PLCE1: variants seen among roughly 807,000 people sequenced by gnomAD.
PLCE1 encodes the protein 1-phosphatidylinositol 4,5-bisphosphate phosphodiesterase epsilon-1.
In PLCE1, 119 loss-of-function variants were observed where a neutral mutation model predicts 242.8. The ratio of observed to expected loss-of-function variants is 0.49; its 90% confidence interval spans 0.42 to 0.57. The LOEUF (loss-of-function observed/expected upper bound fraction) is 0.57. Ranked by LOEUF, PLCE1 falls within the 20% of genes least tolerant of loss-of-function variation. The pLI is 0.00. For synonymous variants in PLCE1, 945 were observed against 1,017.4 expected, an observed-to-expected ratio of 0.93 and a Z score of 1.35; for missense variants, 2,441 against 2,788.8, an observed-to-expected ratio of 0.88 and a Z score of 2.81.
At chr10:94,254,764 C>A in intron 10 of PLCE1, 129 bp from the exon 11 acceptor site, 1 of 987,968 alleles carries the variant, frequency 1.0e-6, no homozygotes, top group Non-Finnish European at 1.6e-6. Context: ...TATTTTGGTG[C>A]TGCTTGTATA....
At chr10:94,122,702 A>T (rs1302400992) in intron 2 of PLCE1, among the ~76,000 whole-genome samples, 1 of 152,224 alleles carries the variant, frequency 6.6e-6, no homozygotes, top group Non-Finnish European at 1.5e-5. Context: ...AGTGCTTGTC[A>T]GATGGATGGT....
At chr10:94,088,674 G>C (rs1045293708) in intron 2 of PLCE1, among the ~76,000 whole-genome samples, 3 of 152,212 alleles carry the variant, frequency 2.0e-5, no homozygotes, top group Admixed American at 2.0e-4. Flanking sequence ...CAGCATGGCA[G>C]GTGCCCACAT....
rs753867049 is a variant in PLCE1 at position 94,235,937 on chromosome 10, A to G, written c.2237A>G (p.Gln746Arg). The G allele has an allele frequency of 4.3e-6, 7 of 1,613,830 alleles. No individual in the cohort carries two copies. The highest frequency in any genetic ancestry group is 2.2e-5 in the East Asian group (1 of 44,878). The change falls in exon 7 of 33, where the codon CAA becomes CGA. Residue 746 changes from glutamine (Q) to arginine (R), a missense_variant. This residue lies in a region of PLCE1 where 733 missense variants were observed against 754.2 expected (regional missense o/e 0.97). Coordinates refer to ENST00000371380, the MANE Select transcript of PLCE1 (RefSeq NM_016341.4). The part of the protein sequence containing the change: ...TLEFVADYSG[Q>R]DNFLQRVGQN... ...TAGTTTGTAGCAGATTACAGTGGAC[A>G]AGATAATTTCTTACAACGAGTGGGA...
chr10:94,228,150 C>G lies in PLCE1; in HGVS notation c.1955+699C>G, dbSNP rs2050012228. ...ATGATATCCTGTTCTTATGCTTTTT[C>G]CATCAAGCTAATAACAAAATCACCA... On this transcript the variant is annotated intron_variant, in intron 5 of 32. Transcript: ENST00000371380. Among the ~76,000 whole-genome samples, 6 of 152,218 alleles carry G rather than the reference C, an allele frequency of 3.9e-5. No homozygotes were observed. The South Asian group carries it at 1.2e-3, about 31-fold the overall frequency.
At chr10:94,196,253 T>C (rs896229027) in intron 4 of PLCE1, among the ~76,000 whole-genome samples, 1 of 152,200 alleles carries the variant, frequency 6.6e-6, no homozygotes, top group Admixed American at 6.5e-5. Flanking sequence ...TTGCCTTCTA[T>C]AGGGTGAGGG....
At chr10:94,051,816 C>A (rs926426062) in intron 2 of PLCE1, among the ~76,000 whole-genome samples, 2 of 152,136 alleles carry the variant, frequency 1.3e-5, no homozygotes, top group Non-Finnish European at 2.9e-5. Flanking sequence ...TACTTGGCTG[C>A]CTTCATTTGT....
At position 94,298,426 on chromosome 10, in the gene PLCE1, C is replaced by T. The variant is rs1173624921; in HGVS notation, c.5215C>T (p.Leu1739Phe). 6.2e-7 allele frequency: 1 copy of T among 1,614,166 alleles called. No homozygotes were observed. Among genetic ancestry groups the T allele is most frequent in the Non-Finnish European group, 8.5e-7 (1 of 1,179,974 alleles). The stretch of plus-strand genomic sequence containing the variant: ...GACCTGGGAGGAATCTTCTTCCCCT[C>T]TCAACCCAACCACGTCCCTCAGTGC... ...RQTWEESSSP[L>F]NPTTSLSAII... is the part of the protein sequence containing the mutation. The change falls in exon 24 of 33, where the codon CTC (leucine) becomes TTC (phenylalanine). Residue 1739 changes from leucine to phenylalanine, a missense_variant. By Grantham distance (22) the Leu-to-Phe change is conservative. Coordinates refer to ENST00000371380, the MANE Select transcript of PLCE1 (RefSeq NM_016341.4). This position sits in a 1 kb window ranked among gnomAD's most constrained non-coding sequence, Gnocchi z 5.2.
intron 3 of PLCE1, among the ~76,000 whole-genome samples, chr10:94,140,886 T>G (rs1422573274): frequency 2.0e-5 from 3 of 152,260 alleles, no homozygotes; most frequent in Non-Finnish European, 2.9e-5. Context: ...AATGTAATAT[T>G]GGGTGTGTTT....
chr10:94,135,448 C>A (rs559820166), intron 3 of PLCE1, among the ~76,000 whole-genome samples: 1 of 151,976 alleles, frequency 6.6e-6, no homozygotes, highest in Non-Finnish European at 1.5e-5. Context: ...TAGTATGTGT[C>A]CTGTGGCATA....
chr10:94,153,068 T>G (rs2047321861), intron 3 of PLCE1, among the ~76,000 whole-genome samples: 1 of 152,146 alleles, frequency 6.6e-6, no homozygotes, highest in South Asian at 2.1e-4. Context: ...TTTAAAAATA[T>G]CAGATTGTTT....
intron 2 of PLCE1, among the ~76,000 whole-genome samples, chr10:94,094,362 A>G (rs1043409907): frequency 2.6e-5 from 4 of 152,212 alleles, no homozygotes; most frequent in African/African-American, 9.6e-5. Context: ...GAGTTCCTCA[A>G]CCTAGACACT....
chr10:94,015,267 T>A (rs756899127), intron 1 of PLCE1, among the ~76,000 whole-genome samples: 7 of 152,138 alleles, frequency 4.6e-5, no homozygotes, highest in Non-Finnish European at 1.0e-4. Flanking sequence ...GAATCAAATT[T>A]TACTACCTCA....
intron 30 of PLCE1, 64 bp downstream of exon 30, chr10:94,322,123 T>A: frequency 7.0e-7 from 1 of 1,423,228 alleles, no homozygotes; most frequent in Non-Finnish European, 9.9e-7. Context: ...AACAAATGTC[T>A]GTGCACTGAT....
chr10:94,177,289 G>T (rs2048156176), intron 4 of PLCE1, among the ~76,000 whole-genome samples: 3 of 152,176 alleles, frequency 2.0e-5, no homozygotes, highest in Non-Finnish European at 4.4e-5. Flanking sequence ...AGTTTGGATT[G>T]TGGCTTGGAA....
At chr10:94,155,941 G>A (rs1296345274) in intron 3 of PLCE1, among the ~76,000 whole-genome samples, 1 of 152,018 alleles carries the variant, frequency 6.6e-6, no homozygotes, top group Admixed American at 6.6e-5. Context: ...GTGAGCTACT[G>A]TGCCCAGCCT....
intron 2 of PLCE1, among the ~76,000 whole-genome samples, chr10:94,125,015 G>C (rs2046398870): frequency 6.6e-6 from 1 of 152,148 alleles, no homozygotes; most frequent in Non-Finnish European, 1.5e-5. Context: ...CTGTGGTTCA[G>C]ATGAATCCAA....
intron 28 of PLCE1, among the ~76,000 whole-genome samples, chr10:94,315,670 G>A (rs1264967654): frequency 6.6e-6 from 1 of 151,398 alleles, no homozygotes; most frequent in Non-Finnish European, 1.5e-5. Flanking sequence ...TCGGGAGGCT[G>A]AGGCATGAGA....
chr10:94,078,266 G>C (rs954053779), intron 2 of PLCE1, among the ~76,000 whole-genome samples: 32 of 152,274 alleles, frequency 2.1e-4, no homozygotes, highest in African/African-American at 7.2e-4. Context: ...TAATATTATA[G>C]TGATGTGCAG....
At chr10:94,042,162 C>T (rs546446286) in intron 2 of PLCE1, among the ~76,000 whole-genome samples, 1 of 152,148 alleles carries the variant, frequency 6.6e-6, no homozygotes, top group Admixed American at 6.5e-5. Context: ...AGTATTCTAC[C>T]TCCCTCAGCA....
Sources: allele counts gnomAD v4.1 joint callset (sites outside exome capture counted in the v4.1 genomes callset), GRCh38; gene constraint gnomAD v4.1.1; regional missense constraint gnomAD v4.1.1; non-coding constraint Gnocchi (gnomAD v3.1); transcripts MANE v1.5; gene names NCBI Gene and HGNC (gene_info 2026-07-23, HGNC 2026-07-21).